The following PRKG1 variants were observed in gnomAD, a reference collection of about 807,000 sequenced individuals.
PRKG1 encodes protein kinase cGMP-dependent 1, also known as cGMP-dependent protein kinase 1.
Under a neutral mutation model 88.1 loss-of-function variants are expected in PRKG1, and 35 were observed. The observed-to-expected ratio is 0.40, with a 90% CI of 0.30 to 0.53. PRKG1 has a LOEUF of 0.53. Ranked by LOEUF, PRKG1 falls within the 20% of genes least tolerant of loss-of-function variation. PRKG1 has a pLI of 0.59. For synonymous variants in PRKG1, 303 were observed against 292.5 expected (o/e 1.04, Z -0.37); for missense variants, 540 against 839.8 (o/e 0.64, Z 4.41).
At position 51,445,506 on chromosome 10, in the gene PRKG1, C is replaced by A. The variant is rs886078048; in HGVS notation, c.479-22217C>A. Among the ~76,000 whole-genome samples, 16 of 151,770 alleles carry A rather than the reference C, an allele frequency of 1.1e-4. 1 individual carries two copies. Among genetic ancestry groups the A allele is most frequent in the Admixed American group, 3.3e-4 (5 of 15,194 alleles). ...AGTTTACAAAACTTGGTATAATATG[C>A]CACATATCAGCTTTAGGTTAAATAT... On this transcript the variant is annotated intron_variant, in intron 2 of 17. Transcript: ENST00000373980.
intron 3 of PRKG1, among the ~76,000 whole-genome samples, chr10:51,633,113 G>A (rs985065367): frequency 3.3e-5 from 5 of 152,112 alleles, no homozygotes; most frequent in African/African-American, 4.8e-5. Flanking sequence ...TTGAGCAAAC[G>A]TACTGTGGTT....
intron 5 of PRKG1, among the ~76,000 whole-genome samples, chr10:51,963,226 A>G (rs964582904): frequency 6.6e-6 from 1 of 152,176 alleles, no homozygotes; most frequent in African/African-American, 2.4e-5. Flanking sequence ...CACTAGCTAC[A>G]TGGCAACGAG....
intron 5 of PRKG1, among the ~76,000 whole-genome samples, chr10:51,946,074 C>T (rs1171309846): frequency 1.3e-5 from 2 of 151,960 alleles, no homozygotes; most frequent in Non-Finnish European, 2.9e-5. Context: ...TCCATTCTCC[C>T]CGTCAATTTC....
chr10:51,093,553 G>C (rs2131868444), intron 1 of PRKG1, among the ~76,000 whole-genome samples: 1 of 151,438 alleles, frequency 6.6e-6, no homozygotes, highest in African/African-American at 2.4e-5. Flanking sequence ...GTATACTATA[G>C]GTTTGCATTT....
At chr10:51,068,022 T>C (rs1449555781) in intron 1 of PRKG1, among the ~76,000 whole-genome samples, 1 of 152,064 alleles carries the variant, frequency 6.6e-6, no homozygotes, top group Non-Finnish European at 1.5e-5. Flanking sequence ...AATGTTGTAG[T>C]TAGTTACAAA....
chr10:51,043,517 T>C (rs1017825910), intron 1 of PRKG1, among the ~76,000 whole-genome samples: 3 of 152,166 alleles, frequency 2.0e-5, no homozygotes, highest in Non-Finnish European at 4.4e-5. Context: ...TTTAATCCTG[T>C]AGTAGCAATT....
At chr10:51,994,452 T>C (rs944707909) in intron 5 of PRKG1, among the ~76,000 whole-genome samples, 2 of 152,192 alleles carry the variant, frequency 1.3e-5, no homozygotes, top group Non-Finnish European at 2.9e-5. Context: ...ATATTATCCT[T>C]ACCTTTCTGC....
intron 3 of PRKG1, among the ~76,000 whole-genome samples, chr10:51,530,012 G>A (rs571204755): frequency 6.6e-6 from 1 of 152,142 alleles, no homozygotes; most frequent in Non-Finnish European, 1.5e-5. Context: ...AACTAGTCTG[G>A]AAGCAATTGC....
At chr10:51,598,623 T>A (rs1355309663) in intron 3 of PRKG1, among the ~76,000 whole-genome samples, 3 of 152,234 alleles carry the variant, frequency 2.0e-5, no homozygotes, top group Admixed American at 6.5e-5. Flanking sequence ...TGTGTTCTTA[T>A]TTTGTTTTAA....
At chr10:51,915,409 C>T (rs1427801653) in intron 5 of PRKG1, among the ~76,000 whole-genome samples, 1 of 152,230 alleles carries the variant, frequency 6.6e-6, no homozygotes, top group Non-Finnish European at 1.5e-5. Flanking sequence ...TGTTCTTTCT[C>T]AATTGCTTTG....
At chr10:52,234,143 C>T (rs1840612059) in intron 9 of PRKG1, among the ~76,000 whole-genome samples, 1 of 152,112 alleles carries the variant, frequency 6.6e-6, no homozygotes, top group Admixed American at 6.5e-5. Context: ...GAAAGGACAT[C>T]CACACCAAAA....
intron 1 of PRKG1, among the ~76,000 whole-genome samples, chr10:51,066,909 C>T (rs186138730): frequency 2.8e-4 from 42 of 152,048 alleles, no homozygotes; most frequent in Non-Finnish European, 5.2e-4. Flanking sequence ...GCATTAGAGT[C>T]GCCTGGTTGC....
At position 51,903,624 on chromosome 10, in the gene PRKG1, A is replaced by ATAAATT. The variant is rs756073126; in HGVS notation, c.699-3883_699-3882insTAAATT. Among the ~76,000 whole-genome samples, 1,205 of 152,280 alleles carry ATAAATT rather than the reference A, an allele frequency of 7.9e-3. 17 individuals are homozygous for ATAAATT. Among genetic ancestry groups the ATAAATT allele is most frequent in the African/African-American group, 0.025 (1,045 of 41,572 alleles). Reference sequence around the variant, plus strand: ...ATAGAGGCAATCTTTATTATTCCAGACTTTCAATTTATTTGACATGCTTTA... The same window carrying ATAAATT: ...ATAGAGGCAATCTTTATTATTCCAGATAAATTCTTTCAATTTATTTGACATGCTTTA... On this transcript the variant is annotated intron_variant, in intron 4 of 17. Transcript: ENST00000373980.
At chr10:50,992,955 A>C (rs1390276000) in intron 1 of PRKG1, among the ~76,000 whole-genome samples, 1 of 151,974 alleles carries the variant, frequency 6.6e-6, no homozygotes, top group Non-Finnish European at 1.5e-5. Flanking sequence ...CCCTCAGGGG[A>C]CTCCTAAACT....
chr10:52,097,280 T>G (rs1346447374), intron 7 of PRKG1, among the ~76,000 whole-genome samples: 1 of 152,166 alleles, frequency 6.6e-6, no homozygotes, highest in African/African-American at 2.4e-5. Flanking sequence ...GTCATTTATT[T>G]GCTTTGGAGG....
chr10:51,173,248 T>C (rs1837092024), intron 2 of PRKG1, among the ~76,000 whole-genome samples: 1 of 152,050 alleles, frequency 6.6e-6, no homozygotes, highest in African/African-American at 2.4e-5. Flanking sequence ...CTCTATGAAA[T>C]TTTTATTCAT....
At chr10:51,477,633 G>A (rs758832050) in intron 3 of PRKG1, among the ~76,000 whole-genome samples, 4 of 151,954 alleles carry the variant, frequency 2.6e-5, no homozygotes, top group Admixed American at 6.6e-5. Flanking sequence ...GTGCGGCAAC[G>A]AACATAATGG....
intron 2 of PRKG1, among the ~76,000 whole-genome samples, chr10:51,329,399 T>C (rs1024232569): frequency 2.6e-5 from 4 of 152,214 alleles, no homozygotes; most frequent in Admixed American, 2.6e-4. Flanking sequence ...ATTTCTGCCC[T>C]GTCTCTTCTG....
At chr10:52,066,964 C>T (rs1194155974) in intron 7 of PRKG1, among the ~76,000 whole-genome samples, 4 of 152,242 alleles carry the variant, frequency 2.6e-5, no homozygotes, top group South Asian at 4.1e-4. Context: ...GACATTTTAA[C>T]ATTTTGATAT....
Sources: allele counts gnomAD v4.1 joint callset (sites outside exome capture counted in the v4.1 genomes callset), GRCh38; gene constraint gnomAD v4.1.1; transcripts MANE v1.5; gene names NCBI Gene and HGNC (gene_info 2026-07-23, HGNC 2026-07-21).